Variants in CPNE4 observed in about 807,000 individuals in gnomAD.
The protein encoded by CPNE4 is copine 4.
In CPNE4, 25 loss-of-function variants were observed where a neutral mutation model predicts 67.9. That is an observed-to-expected ratio of 0.37 (90% confidence interval 0.27 to 0.51). The LOEUF is 0.51. Ranked by LOEUF, CPNE4 falls within the 20% of genes least tolerant of loss-of-function variation. The pLI is 0.93. For missense variants in CPNE4, 464 were observed against 690.8 expected (o/e 0.67, Z 3.68); for synonymous variants, 242 against 244.9 (o/e 0.99, Z 0.11).
In CPNE4 at chr3:131,564,242, C is replaced by G; in HGVS notation, c.1035G>C (p.Val345=). The stretch of plus-strand genomic sequence containing the variant: ...TGTCATAGTCTTGGCAAATCTCCCC[C>G]ACAGCTACCAAAGCTTTCAGATACT... ...PNEYLKALVA[V]GEICQDYDSD... The change falls in exon 11 of 16, where the codon GTG becomes GTC. Residue 345 remains valine, a synonymous_variant. Transcript: ENST00000429747. The G allele has an allele frequency of 6.2e-7, 1 of 1,612,980 alleles. No individual in the cohort carries two copies. Among genetic ancestry groups the G allele is most frequent in the Non-Finnish European group, 8.5e-7 (1 of 1,179,266 alleles).
chr3:131,625,577 A>T (rs1294005285), intron 7 of CPNE4, among the ~76,000 whole-genome samples: 1 of 152,192 alleles, frequency 6.6e-6, no homozygotes, highest in Non-Finnish European at 1.5e-5. Flanking sequence ...AGGAAAAAAA[A>T]TCTCTTCCAA....
intron 7 of CPNE4, among the ~76,000 whole-genome samples, chr3:131,638,753 T>C (rs567535130): frequency 3.9e-5 from 6 of 152,286 alleles, no homozygotes; most frequent in East Asian, 1.9e-4. Context: ...TTCTCCAAGA[T>C]AGACCATATG....
chr3:131,754,201 A>G (rs571639000), intron 2 of CPNE4, among the ~76,000 whole-genome samples: 2 of 152,190 alleles, frequency 1.3e-5, no homozygotes, highest in Non-Finnish European at 1.5e-5. Flanking sequence ...CTGTGTTTCC[A>G]TCATATAAAT....
At chr3:131,697,628 G>T (rs1229309457) in intron 4 of CPNE4, among the ~76,000 whole-genome samples, 1 of 152,218 alleles carries the variant, frequency 6.6e-6, no homozygotes, top group Non-Finnish European at 1.5e-5. Context: ...ACAACTGAGA[G>T]TAGAGATTGT....
intron 2 of CPNE4, among the ~76,000 whole-genome samples, chr3:131,847,995 C>T (rs900023336): frequency 1.3e-5 from 2 of 152,298 alleles, no homozygotes; most frequent in South Asian, 2.1e-4. Context: ...TCTTCTTCTT[C>T]ATTCTGCAGA....
chr3:131,998,252 T>A (rs529544310), intron 1 of CPNE4, among the ~76,000 whole-genome samples: 1 of 152,128 alleles, frequency 6.6e-6, no homozygotes. Context: ...TAACAATCCA[T>A]GAGCAAGACA....
intron 7 of CPNE4, among the ~76,000 whole-genome samples, chr3:131,606,774 G>C (rs1939533912): frequency 6.6e-6 from 1 of 151,742 alleles, no homozygotes; most frequent in Non-Finnish European, 1.5e-5. Flanking sequence ...ACCTTATGTA[G>C]ACTTACTCCA....
chr3:131,992,646 G>A (rs904682438), intron 1 of CPNE4, among the ~76,000 whole-genome samples: 1 of 135,922 alleles, frequency 7.4e-6, no homozygotes, highest in African/African-American at 2.5e-5. Flanking sequence ...TTTGAAATGT[G>A]AGGACATAAG....
intron 1 of CPNE4, among the ~76,000 whole-genome samples, chr3:132,015,745 A>T (rs888948670): frequency 6.6e-6 from 1 of 152,226 alleles, no homozygotes; most frequent in Non-Finnish European, 1.5e-5. Flanking sequence ...AGGCTAAGCC[A>T]TTGAAGGGAT....
chr3:131,685,799 A>C (rs557703467), intron 6 of CPNE4, 76 bp downstream of exon 6: 37 of 946,964 alleles, frequency 3.9e-5, no homozygotes, highest in Admixed American at 1.1e-4. Flanking sequence ...CACACACACA[A>C]AAAGGAGTTT....
intron 15 of CPNE4, among the ~76,000 whole-genome samples, chr3:131,537,081 G>T (rs1254197381): frequency 6.6e-6 from 1 of 151,998 alleles, no homozygotes; most frequent in Non-Finnish European, 1.5e-5. Context: ...TGGACTCAGG[G>T]CTACACATGC....
At chr3:131,723,230 G>A (rs1032228939) in intron 3 of CPNE4, among the ~76,000 whole-genome samples, 2 of 152,138 alleles carry the variant, frequency 1.3e-5, no homozygotes, top group Admixed American at 6.5e-5. Context: ...AGAAAGTTCT[G>A]AATTTTTCAA....
intron 10 of CPNE4, among the ~76,000 whole-genome samples, chr3:131,574,715 G>T (rs1402363289): frequency 6.6e-6 from 1 of 152,076 alleles, no homozygotes; most frequent in African/African-American, 2.4e-5. Context: ...GAACTTACTT[G>T]CTTGGCTTAC....
At chr3:131,894,449 G>A (rs923594358) in intron 2 of CPNE4, among the ~76,000 whole-genome samples, 2 of 151,434 alleles carry the variant, frequency 1.3e-5, no homozygotes, top group African/African-American at 2.4e-5. Context: ...TACAGAATGG[G>A]GTAAAATATT....
chr3:131,550,038 T>G lies in CPNE4; in HGVS notation c.1211A>C (p.Lys404Thr). 1 of 1,613,144 alleles carries G rather than the reference T, an allele frequency of 6.2e-7. No homozygotes were observed. ...VVEAYQSCLPKLQLYGPTNIA... is the reference protein window; with the variant it reads ...VVEAYQSCLPTLQLYGPTNIA... ...GTTGGTGGGACCGTAGAGTTGGAGCTTAGGAAGACAGCTCTGATAGGCTTC... is the reference window on the plus strand; with the variant it reads ...GTTGGTGGGACCGTAGAGTTGGAGCGTAGGAAGACAGCTCTGATAGGCTTC... The change falls in exon 14 of 16, where the codon AAG (lysine) becomes ACG (threonine). Residue 404 changes from lysine (K) to threonine (T), a missense_variant. Physicochemically the swap from Lys to Thr is moderately conservative, Grantham distance 78 (BLOSUM62 -1). This residue lies in a region of CPNE4 where 201 missense variants were observed against 357.7 expected (regional missense o/e 0.56). Transcript: ENST00000429747.
intron 2 of CPNE4, among the ~76,000 whole-genome samples, chr3:131,879,444 G>T (rs2107713552): frequency 6.6e-6 from 1 of 152,266 alleles, no homozygotes; most frequent in East Asian, 1.9e-4. Flanking sequence ...ATGGGAAAAT[G>T]CTGGCACATA....
rs1307824346 is a variant in CPNE4, at chr3:131,644,501, G to A, written c.681+25174C>T. ...GTGATGCTGACACTGCTGGTTAGGG[G>A]GATTACCTTTTGAAAAATACTACTT... On this transcript the variant is annotated intron_variant, in intron 7 of 15. Transcript: ENST00000429747. Among the ~76,000 whole-genome samples, 3 of 152,170 alleles carry A rather than the reference G, an allele frequency of 2.0e-5. No individual in the cohort carries two copies. The East Asian group carries it at 5.8e-4, about 29-fold the overall frequency.
At chr3:131,864,024 G>C (rs949049915) in intron 2 of CPNE4, among the ~76,000 whole-genome samples, 1 of 151,856 alleles carries the variant, frequency 6.6e-6, no homozygotes, top group Non-Finnish European at 1.5e-5. Flanking sequence ...GTAGATATGC[G>C]GCATTATTTC....
intron 1 of CPNE4, among the ~76,000 whole-genome samples, chr3:131,970,118 G>A (rs561164232): frequency 2.6e-5 from 4 of 152,264 alleles, no homozygotes; most frequent in East Asian, 3.9e-4. Flanking sequence ...ATGGAAATAC[G>A]AGTCATCTGT....
Sources: allele counts gnomAD v4.1 joint callset (sites outside exome capture counted in the v4.1 genomes callset), GRCh38; gene constraint gnomAD v4.1.1; regional missense constraint gnomAD v4.1.1; transcripts MANE v1.5; gene names NCBI Gene and HGNC (gene_info 2026-07-23, HGNC 2026-07-21).